The following LGR4 variants were observed in gnomAD, a reference collection of about 807,000 sequenced individuals.
LGR4 encodes leucine-rich repeat-containing G protein-coupled receptor 4.
A neutral mutation model predicts 84.8 loss-of-function variants in LGR4; 44 were observed. That is an observed-to-expected ratio of 0.52 (90% CI 0.41 to 0.67). The LOEUF (loss-of-function observed/expected upper bound fraction) is 0.67, where lower values mean the gene tolerates loss of function less well. LGR4 is among the 30% of genes least tolerant of loss of function. The pLI is 0.00. For synonymous variants in LGR4, 429 were observed against 434.3 expected (o/e 0.99, Z 0.15); for missense variants, 1,032 against 1,131.4 (o/e 0.91, Z 1.26).
At chr11:27,412,224 T>C (rs1200109092) in intron 2 of LGR4, among the ~76,000 whole-genome samples, 3 of 152,126 alleles carry the variant, frequency 2.0e-5, no homozygotes, top group Non-Finnish European at 4.4e-5. Flanking sequence ...AAATTGGAAA[T>C]GTGAGATGCA....
intron 1 of LGR4, among the ~76,000 whole-genome samples, chr11:27,458,617 C>T (rs1186987839): frequency 6.6e-6 from 1 of 151,954 alleles, no homozygotes; most frequent in Admixed American, 6.6e-5. Context: ...CAGCTTACTA[C>T]AACCTTTGCC....
intron 2 of LGR4, among the ~76,000 whole-genome samples, chr11:27,400,144 T>C (rs933406901): frequency 5.9e-5 from 9 of 152,172 alleles, no homozygotes; most frequent in South Asian, 4.1e-4. Context: ...GAAATGTTCA[T>C]TGGGTATTTT....
At chr11:27,444,260 C>T (rs550514338) in intron 1 of LGR4, among the ~76,000 whole-genome samples, 1 of 152,006 alleles carries the variant, frequency 6.6e-6, no homozygotes, top group Non-Finnish European at 1.5e-5. Flanking sequence ...GAAAGAGGGA[C>T]TACTGAGAAG....
chr11:27,369,742 GT>G (rs769034373), intron 17 of LGR4, among the ~76,000 whole-genome samples: 3 of 152,042 alleles, frequency 2.0e-5, no homozygotes, highest in Non-Finnish European at 4.4e-5. Context: ...TTATAATCAT[GT>G]ATGTATATGT....
intron 1 of LGR4, among the ~76,000 whole-genome samples, chr11:27,446,967 T>C (rs1338781664): frequency 6.7e-6 from 1 of 149,598 alleles, no homozygotes; most frequent in Non-Finnish European, 1.5e-5. Flanking sequence ...TTCTCACTCA[T>C]AGGTGGGAAC....
intron 1 of LGR4, among the ~76,000 whole-genome samples, chr11:27,466,834 A>T (rs1396338868): frequency 1.3e-5 from 2 of 151,938 alleles, no homozygotes; most frequent in African/African-American, 2.4e-5. Context: ...CCCAGGCTGG[A>T]GTGCAGTGGC....
chr11:27,470,366 G>A (rs974752433), intron 1 of LGR4, among the ~76,000 whole-genome samples: 3 of 152,126 alleles, frequency 2.0e-5, no homozygotes, highest in South Asian at 4.1e-4. Context: ...AAAACAGCCC[G>A]TTTCCTTATA....
rs117522137 is a variant in LGR4 at position 27,461,978 on chromosome 11, G to A, written c.185+10140C>T. ...CCAAGTAGCTGGATTACAGGTGCCCGTCGCCATGCCAGCCTAATTTCTTTT... is the reference window on the plus strand; with the variant it reads ...CCAAGTAGCTGGATTACAGGTGCCCATCGCCATGCCAGCCTAATTTCTTTT... On this transcript the variant is annotated intron_variant, in intron 1 of 17. Transcript: ENST00000379214. Among the ~76,000 whole-genome samples the A allele has an allele frequency of 6.3e-3, 954 of 150,420 alleles. 6 individuals carry two copies. The highest frequency in any genetic ancestry group is 9.4e-3 in the Non-Finnish European group (635 of 67,770).
At chr11:27,442,648 G>A (rs1252089161) in intron 1 of LGR4, among the ~76,000 whole-genome samples, 4 of 152,198 alleles carry the variant, frequency 2.6e-5, no homozygotes, top group African/African-American at 9.6e-5. Context: ...CACCAGACCT[G>A]AGAAGACTCT....
chr11:27,375,977 CTT>C (rs1251904788), intron 13 of LGR4, among the ~76,000 whole-genome samples: 20 of 141,620 alleles, frequency 1.4e-4, no homozygotes, highest in Admixed American at 2.9e-4. Context: ...CAAATTATAT[CTT>C]TTTTTTTTTT....
At chr11:27,467,520 T>A (rs1345175976) in intron 1 of LGR4, among the ~76,000 whole-genome samples, 1 of 149,146 alleles carries the variant, frequency 6.7e-6, no homozygotes, top group Non-Finnish European at 1.5e-5. Context: ...TGAGCCGAGG[T>A]CGTGCCACTG....
Position 27,368,433 on chromosome 11 carries a change from C to A in LGR4, c.2290G>T (p.Ala764Ser), listed in dbSNP as rs1862810456. Residue 764 changes from alanine (A) to serine (S), a missense_variant, in exon 18 of 18, where the codon GCG becomes TCG. By Grantham distance (99) the Ala-to-Ser change is moderately conservative (BLOSUM62 1). Transcript: ENST00000379214. The part of the protein sequence containing the change: ...FTNCIFFCPV[A>S]FFSFAPLITA... ...ATCAATGGTGCAAATGAAAAAAACG[C>A]CACAGGGCAGAAAAAGATGCAATTG... The A allele has an allele frequency of 6.2e-7, 1 of 1,614,148 alleles. No homozygotes were observed. Among genetic ancestry groups the A allele is most frequent in the Non-Finnish European group, 8.5e-7 (1 of 1,180,026 alleles).
chr11:27,382,212 T>C lies in LGR4; in HGVS notation c.734A>G (p.Lys245Arg). ...CAGCTCTTTAAGGCTAGGAAGGGCTTTAATAGCCTGAGGAAATTCCCCCAA... is the reference window on the plus strand; with the variant it reads ...CAGCTCTTTAAGGCTAGGAAGGGCTCTAATAGCCTGAGGAAATTCCCCCAA... Reference protein sequence around the residue: ...NNLGEFPQAIKALPSLKELGF... With the variant: ...NNLGEFPQAIRALPSLKELGF... Residue 245 changes from lysine to arginine, a missense_variant, in exon 7 of 18, where the codon AAA becomes AGA. Lys to Arg is a conservative substitution (Grantham distance 26, BLOSUM62 2). Coordinates refer to ENST00000379214, the MANE Select transcript of LGR4 (RefSeq NM_018490.5). 1 of 1,609,930 alleles carries C rather than the reference T, an allele frequency of 6.2e-7. No homozygotes were observed. Among genetic ancestry groups the C allele is most frequent in the Non-Finnish European group, 8.5e-7 (1 of 1,176,516 alleles).
intron 6 of LGR4, among the ~76,000 whole-genome samples, chr11:27,382,698 C>A (rs184674379): frequency 6.6e-6 from 1 of 152,222 alleles, no homozygotes; most frequent in Admixed American, 6.5e-5. Context: ...TCAGTTCCAC[C>A]ATCAGCGTGA....
At position 27,472,658 on chromosome 11, in the gene LGR4, G is replaced by A. The variant is rs533322857; in HGVS notation, c.-356C>T. 34 of 357,416 alleles carry A rather than the reference G, an allele frequency of 9.5e-5. 1 individual carries two copies. The highest frequency in any genetic ancestry group is 5.7e-4 in the African/African-American group (27 of 47,004). The allele number at this position is 357,416 out of a possible 1,614,324, so 22.1% of individuals were successfully genotyped here. A position where few individuals can be genotyped will look rare whatever the true frequency, so the allele number is the denominator to read the frequency against. ...CGGCTCTTCAAGGTTGCAGAGCGCA[G>A]CCTTCAGCCATGCCGGCCACTCGCC... On this transcript the variant is annotated 5_prime_UTR_variant, in exon 1 of 18. Coordinates refer to ENST00000379214, the MANE Select transcript of LGR4 (RefSeq NM_018490.5).
intron 2 of LGR4, among the ~76,000 whole-genome samples, chr11:27,400,021 AT>A (rs1419705009): frequency 2.6e-5 from 4 of 152,242 alleles, no homozygotes; most frequent in East Asian, 3.9e-4. Context: ...AGTACTTCTC[AT>A]TTTCGTCATC....
At position 27,367,820 on chromosome 11, in the gene LGR4, A is replaced by T; in HGVS notation, c.*47T>A. 7.1e-7 allele frequency: 1 copy of T among 1,399,626 alleles called. No individual in the cohort carries two copies. Among genetic ancestry groups the T allele is most frequent in the East Asian group, 2.3e-5 (1 of 43,766 alleles). 86.7% of individuals were successfully genotyped at this position (1,399,626 alleles called of 1,614,324 possible). A position where few individuals can be genotyped will look rare whatever the true frequency, so the allele number is the denominator to read the frequency against. ...AAGATGAGAATAGGGTTCACTCTATAAACACTGATTTTGGTTGACGGGGGA... is the reference window on the plus strand; with the variant it reads ...AAGATGAGAATAGGGTTCACTCTATTAACACTGATTTTGGTTGACGGGGGA... On this transcript the variant is annotated 3_prime_UTR_variant, in exon 18 of 18. Transcript: ENST00000379214.
At chr11:27,418,367 C>G (rs1863861425) in intron 1 of LGR4, among the ~76,000 whole-genome samples, 1 of 152,090 alleles carries the variant, frequency 6.6e-6, no homozygotes, top group African/African-American at 2.4e-5. Context: ...TTTTTTTGAC[C>G]CTACATGTTT....
chr11:27,371,692 G>C lies in LGR4; in HGVS notation c.1502C>G (p.Ala501Gly). The change falls in exon 17 of 18, where the codon GCT becomes GGT. Residue 501 changes from alanine to glycine, a missense_variant. Coordinates refer to ENST00000379214, the MANE Select transcript of LGR4 (RefSeq NM_018490.5). ...DHSVAQEKGTADAANVTSTLE... is the reference protein window; with the variant it reads ...DHSVAQEKGTGDAANVTSTLE... ...AGTGCTTGTGACATTTGCTGCATCA[G>C]CAGTACCTGAACATATAACACAAAG... is the stretch of plus-strand genomic sequence containing the variant. 1 of 1,608,388 alleles carries C rather than the reference G, an allele frequency of 6.2e-7. No individual in the cohort carries two copies. Among genetic ancestry groups the C allele is most frequent in the Non-Finnish European group, 8.5e-7 (1 of 1,175,664 alleles).
Sources: gnomAD v4.1 joint callset for allele counts (sites outside exome capture counted in the v4.1 genomes callset) on GRCh38, gnomAD v4.1.1 for gene constraint, MANE v1.5 for transcripts, NCBI Gene and HGNC (gene_info 2026-07-23, HGNC 2026-07-21) for gene names.